EXOSC5: variants seen among roughly 807,000 people sequenced by gnomAD.
EXOSC5 encodes exosome component 5.
Under a neutral mutation model 23.7 loss-of-function variants are expected in EXOSC5, and 15 were observed. The ratio of observed to expected loss-of-function variants is 0.63; its 90% CI spans 0.42 to 0.97. The LOEUF (loss-of-function observed/expected upper bound fraction) is 0.97, where lower values mean the gene tolerates loss of function less well. EXOSC5 is among the 50% of genes least tolerant of loss of function. The pLI is 0.00. For missense variants in EXOSC5, 305 were observed against 316.3 expected, an observed-to-expected ratio of 0.96 and a Z score of 0.27; for synonymous variants, 143 against 140.9, an observed-to-expected ratio of 1.02 and a Z score of -0.11.
chr19:41,386,865 A>G (rs2038988932), intron 5 of EXOSC5, 140 bp from the exon 6 acceptor site: 1 of 645,586 alleles, frequency 1.5e-6, no homozygotes, highest in African/African-American at 1.8e-5. Flanking sequence ...GGCAAGTGGT[A>G]AGGGATTATT....
rs1349488789 is a variant in EXOSC5 at position 41,397,168 on chromosome 19, G to A, written c.148+13C>T. On this transcript the variant is annotated intron_variant, in intron 1 of 5. Coordinates refer to ENST00000221233, the MANE Select transcript of EXOSC5 (RefSeq NM_020158.4). ...GTCCCTCTCCAAAAGAAAGACCTGG[G>A]TGAAGTTCTTACCTTGCAGGAAGGA... The A allele has an allele frequency of 6.2e-7, 1 of 1,612,846 alleles. No homozygotes were observed. Among genetic ancestry groups the A allele is most frequent in the South Asian group, 1.1e-5 (1 of 91,058 alleles).
chr19:41,389,327 G>A (rs571268737), intron 4 of EXOSC5, among the ~76,000 whole-genome samples: 4 of 151,934 alleles, frequency 2.6e-5, no homozygotes, highest in South Asian at 2.1e-4. Context: ...GTGCAATGGC[G>A]CGATCTCGGC....
intron 1 of EXOSC5, among the ~76,000 whole-genome samples, 168 bp downstream of exon 1, chr19:41,397,013 G>A (rs2039073510): frequency 1.3e-5 from 2 of 152,196 alleles, no homozygotes; most frequent in South Asian, 4.1e-4. Context: ...CTAGTCGTGA[G>A]GGAGAGATGT....
chr19:41,387,414 C>T (rs1461732398), intron 5 of EXOSC5, 100 bp downstream of exon 5: 1 of 902,724 alleles, frequency 1.1e-6, no homozygotes, highest in Non-Finnish European at 1.6e-6. Context: ...ATTTAAGAGG[C>T]TCTCCTGAAG....
At chr19:41,390,735 G>A (rs761488959) in intron 3 of EXOSC5, among the ~76,000 whole-genome samples, 4 of 132,626 alleles carry the variant, frequency 3.0e-5, no homozygotes, top group Admixed American at 2.3e-4. Context: ...TTCCTAATGT[G>A]TTTCTTCTCC....
At chr19:41,389,679 ACTGT>A (rs1385145551) in intron 4 of EXOSC5, 82 bp downstream of exon 4, 1 of 1,521,688 alleles carries the variant, frequency 6.6e-7, no homozygotes, top group Non-Finnish European at 8.8e-7. Flanking sequence ...GCATGAGCCG[ACTGT>A]CTGTAGAGAA....
chr19:41,386,819 CCCTT>C (rs2038988324), intron 5 of EXOSC5, 94 bp from the exon 6 acceptor site: 2 of 1,049,972 alleles, frequency 1.9e-6, no homozygotes, highest in Non-Finnish European at 2.8e-6. Context: ...CCACCTGACT[CCCTT>C]AACCTCCCAT....
At chr19:41,391,292 C>T (rs552204956) in intron 3 of EXOSC5, among the ~76,000 whole-genome samples, 128 of 152,218 alleles carry the variant, frequency 8.4e-4, no homozygotes, top group Admixed American at 8.2e-3. Flanking sequence ...CGCTTGAGCC[C>T]GGGAGGTAGA....
At chr19:41,392,760 G>A in intron 2 of EXOSC5, 107 bp downstream of exon 2, 1 of 841,078 alleles carries the variant, frequency 1.2e-6, no homozygotes, top group Non-Finnish European at 2.0e-6. Context: ...ACAGCTGAGT[G>A]GAGACCCAAG....
Position 41,386,743 on chromosome 19 carries a change from G to C in EXOSC5, c.616-18C>G. 1.3e-6 allele frequency: 2 copies of C among 1,562,826 alleles called. No individual in the cohort carries two copies. Among genetic ancestry groups the C allele is most frequent in the Non-Finnish European group, 1.7e-6 (2 of 1,158,224 alleles). On this transcript the variant is annotated intron_variant, in intron 5 of 5. Transcript: ENST00000221233. Reference sequence around the variant, plus strand: ...TGCTGGAGCTGCGGGGGAGAGACTGGTCGGTGCTGGGGGCCGAGCCCTTCA... The same window carrying C: ...TGCTGGAGCTGCGGGGGAGAGACTGCTCGGTGCTGGGGGCCGAGCCCTTCA...
chr19:41,387,711 A>G, intron 4 of EXOSC5, 108 bp from the exon 5 acceptor site: 2 of 665,336 alleles, frequency 3.0e-6, no homozygotes, highest in Admixed American at 4.1e-5. Flanking sequence ...TAATCTCACC[A>G]CTTTGGGAGG....
At chr19:41,388,018 C>T (rs2038997299) in intron 4 of EXOSC5, among the ~76,000 whole-genome samples, 1 of 152,190 alleles carries the variant, frequency 6.6e-6, no homozygotes. Context: ...GGACCCTTGG[C>T]CTCCAGGCCT....
intron 1 of EXOSC5, among the ~76,000 whole-genome samples, chr19:41,394,941 G>T (rs1375361537): frequency 6.6e-6 from 1 of 150,838 alleles, no homozygotes; most frequent in Admixed American, 6.7e-5. Context: ...GGCTGAGGCA[G>T]AAGAATTGCT....
chr19:41,386,767 C>T (rs1293738400), intron 5 of EXOSC5, 42 bp from the exon 6 acceptor site: 3 of 1,528,300 alleles, frequency 2.0e-6, no homozygotes, highest in Middle Eastern at 2.1e-4. Context: ...CCGAGCCCTT[C>T]ATGCACACAC....
Position 41,386,505 on chromosome 19 carries a change from G to C in EXOSC5, c.*128C>G. ...GCCAAGGCCTCCCCACAGGAGCCCT[G>C]TGGTTACAGAGCTGCAGGCTCAAGG... is the stretch of plus-strand genomic sequence containing the variant. On this transcript the variant is annotated 3_prime_UTR_variant, in exon 6 of 6. Transcript: ENST00000221233. 1.1e-6 allele frequency: 1 copy of C among 869,606 alleles called. No homozygotes were observed. Among genetic ancestry groups the C allele is most frequent in the Non-Finnish European group, 1.7e-6 (1 of 573,790 alleles). 53.9% of individuals were successfully genotyped at this position (869,606 alleles called of 1,614,324 possible). A position where few individuals can be genotyped will look rare whatever the true frequency, so the allele number is the denominator to read the frequency against.
At chr19:41,392,779 G>A (rs2039032996) in intron 2 of EXOSC5, 88 bp downstream of exon 2, 4 of 1,155,248 alleles carry the variant, frequency 3.5e-6, no homozygotes, top group African/African-American at 3.0e-5. Context: ...AGCGGGGAGT[G>A]GAGACTCGGG....
chr19:41,386,546 G>T lies in EXOSC5; in HGVS notation c.*87C>A. 1 of 1,347,520 alleles carries T rather than the reference G, an allele frequency of 7.4e-7. No individual in the cohort carries two copies. The allele number at this position is 1,347,520 out of a possible 1,614,324, so 83.5% of individuals were successfully genotyped here. ...AGGCTCAAGGAGCCCATGGGTCAGA[G>T]AGGCAAGGCTGGGCTGCTGGTTTGC... On this transcript the variant is annotated 3_prime_UTR_variant, in exon 6 of 6. Coordinates refer to ENST00000221233, the MANE Select transcript of EXOSC5 (RefSeq NM_020158.4).
chr19:41,387,251 A>G (rs1187315180), intron 5 of EXOSC5, among the ~76,000 whole-genome samples: 1 of 152,144 alleles, frequency 6.6e-6, no homozygotes, highest in African/African-American at 2.4e-5. Flanking sequence ...CACCACTCTG[A>G]GCTGGGAGCT....
intron 4 of EXOSC5, 41 bp from the exon 5 acceptor site, chr19:41,387,644 T>G (rs1346061971): frequency 2.8e-6 from 4 of 1,416,038 alleles, no homozygotes; most frequent in Non-Finnish European, 3.8e-6. Context: ...ACCTAGGACC[T>G]TCCCCTCAGA....
Sources: allele counts gnomAD v4.1 joint callset (sites outside exome capture counted in the v4.1 genomes callset), GRCh38; gene constraint gnomAD v4.1.1; transcripts MANE v1.5; gene names NCBI Gene and HGNC (gene_info 2026-07-23, HGNC 2026-07-21).